Variants in GNAT3 observed in about 807,000 individuals in gnomAD.
GNAT3 encodes guanine nucleotide-binding protein G(t) subunit alpha-3.
GNAT3 carries 31 observed loss-of-function variants against 37.7 expected under a neutral mutation model. The ratio of observed to expected loss-of-function variants is 0.82; its 90% CI spans 0.62 to 1.11. The LOEUF (loss-of-function observed/expected upper bound fraction) is 1.11, where lower values mean the gene tolerates loss of function less well. Ranked by LOEUF, GNAT3 falls within the 50% of genes most tolerant of loss-of-function variation. The pLI, the probability that GNAT3 is intolerant of heterozygous loss-of-function variation, is 0.00. For synonymous variants in GNAT3, 138 were observed against 139.8 expected, an observed-to-expected ratio of 0.99 and a Z score of 0.09; for missense variants, 437 against 412.5, an observed-to-expected ratio of 1.06 and a Z score of -0.51.
chr7:80,507,124 G>A (rs1790960133), intron 1 of GNAT3, among the ~76,000 whole-genome samples: 1 of 151,966 alleles, frequency 6.6e-6, no homozygotes, highest in Admixed American at 6.6e-5. Flanking sequence ...GTGATCAGAA[G>A]GGGACTTATT....
At chr7:80,502,403 A>T (rs1282063783) in intron 1 of GNAT3, among the ~76,000 whole-genome samples, 1 of 152,104 alleles carries the variant, frequency 6.6e-6, no homozygotes, top group Non-Finnish European at 1.5e-5. Context: ...AAATGACAAC[A>T]CTAAAATACA....
rs988873604 is a variant in GNAT3, at chr7:80,506,184, T to C, written c.118+5625A>G. ...TCAATAATTCATGCTCGAATGAAAA[T>C]ATGCGAATATAAATATGTTCTGTAA... is the stretch of plus-strand genomic sequence containing the variant. On this transcript the variant is annotated intron_variant, in intron 1 of 7. Transcript: ENST00000398291. 4.6e-5 allele frequency among the ~76,000 whole-genome samples: 7 copies of C among 152,126 alleles called. No individual in the cohort carries two copies. The East Asian group carries it at 1.3e-3, about 29-fold the overall frequency.
intron 3 of GNAT3, among the ~76,000 whole-genome samples, chr7:80,480,700 A>T (rs1161405349): frequency 6.6e-6 from 1 of 152,124 alleles, no homozygotes; most frequent in African/African-American, 2.4e-5. Context: ...TGACATTGCC[A>T]TGGCATTTGT....
At chr7:80,482,314 T>C (rs201697719) in intron 3 of GNAT3, among the ~76,000 whole-genome samples, 1 of 152,156 alleles carries the variant, frequency 6.6e-6, no homozygotes, top group East Asian at 1.9e-4. Context: ...TATTGGCTCC[T>C]TCCACTATTA....
intron 1 of GNAT3, among the ~76,000 whole-genome samples, chr7:80,498,074 CTA>C (rs1216454589): frequency 1.3e-5 from 2 of 152,012 alleles, no homozygotes; most frequent in Non-Finnish European, 2.9e-5. Flanking sequence ...ATTTTATTCA[CTA>C]TATGTTATTG....
chr7:80,479,138 T>C (rs915545914), intron 3 of GNAT3, 140 bp from the exon 4 acceptor site: 6 of 649,804 alleles, frequency 9.2e-6, no homozygotes, highest in African/African-American at 3.7e-5. Flanking sequence ...TGAACTATAT[T>C]GAGGTAAATA....
At chr7:80,468,750 A>G (rs1326853763) in intron 5 of GNAT3, among the ~76,000 whole-genome samples, 1 of 152,120 alleles carries the variant, frequency 6.6e-6, no homozygotes, top group Non-Finnish European at 1.5e-5. Flanking sequence ...ATTAAAAAAC[A>G]GAATCAAAAG....
At chr7:80,459,437 G>C (rs1437546175) in intron 7 of GNAT3, among the ~76,000 whole-genome samples, 2 of 152,130 alleles carry the variant, frequency 1.3e-5, no homozygotes, top group Admixed American at 6.6e-5. Flanking sequence ...TAGATGTTAT[G>C]GGCTAGATTA....
At chr7:80,508,660 G>C (rs1790997612) in intron 1 of GNAT3, among the ~76,000 whole-genome samples, 1 of 151,878 alleles carries the variant, frequency 6.6e-6, no homozygotes, top group Non-Finnish European at 1.5e-5. Context: ...ACACAGATTT[G>C]GCATCTGTTC....
chr7:80,467,059 T>C (rs890381583), intron 5 of GNAT3, among the ~76,000 whole-genome samples: 1 of 152,156 alleles, frequency 6.6e-6, no homozygotes, highest in Non-Finnish European at 1.5e-5. Context: ...AACTGGCCTT[T>C]GAGAGGCTAA....
chr7:80,498,276 A>G (rs1016817996), intron 1 of GNAT3, among the ~76,000 whole-genome samples: 1 of 152,126 alleles, frequency 6.6e-6, no homozygotes, highest in Non-Finnish European at 1.5e-5. Context: ...AATTATTTGT[A>G]ACTTAGCTGG....
At chr7:80,464,751 A>G (rs1264325428) in intron 5 of GNAT3, among the ~76,000 whole-genome samples, 1 of 152,130 alleles carries the variant, frequency 6.6e-6, no homozygotes, top group Non-Finnish European at 1.5e-5. Flanking sequence ...AAAATAATCA[A>G]AAGTACAATA....
chr7:80,486,763 C>G (rs979933063), intron 3 of GNAT3, among the ~76,000 whole-genome samples: 1 of 151,202 alleles, frequency 6.6e-6, no homozygotes, highest in African/African-American at 2.4e-5. Flanking sequence ...GCATGAGACA[C>G]CATATCTGGT....
rs1352510128 is a variant in GNAT3, at chr7:80,458,758, A to G, written c.978T>C (p.Ala326=). The stretch of plus-strand genomic sequence containing the variant: ...CAAACTTGACATTTTGGGTGTCAGT[A>G]GCACAGGTCATGTGGGAATAAATTT... The part of the protein sequence containing the change: ...DKEIYSHMTC[A]TDTQNVKFVF... Residue 326 remains alanine (A), a synonymous_variant, in exon 8 of 8, where the codon GCT becomes GCC. Transcript: ENST00000398291. 8.1e-6 allele frequency: 13 copies of G among 1,599,562 alleles called. No individual in the cohort carries two copies. The highest frequency in any genetic ancestry group is 1.0e-5 in the Non-Finnish European group (12 of 1,171,078).
At chr7:80,481,763 C>G (rs965408652) in intron 3 of GNAT3, among the ~76,000 whole-genome samples, 3 of 152,082 alleles carry the variant, frequency 2.0e-5, no homozygotes, top group Non-Finnish European at 4.4e-5. Context: ...AGGGTGCCAC[C>G]TATGAGGCTT....
chr7:80,497,567 TATATACATATAC>T (rs1790743383), intron 1 of GNAT3, among the ~76,000 whole-genome samples: 2 of 142,162 alleles, frequency 1.4e-5, no homozygotes, highest in African/African-American at 2.6e-5. Flanking sequence ...TACATATACG[TATATACATATAC>T]GTATATACAT....
chr7:80,511,429 A>G (rs1373208543), intron 1 of GNAT3, among the ~76,000 whole-genome samples: 2 of 152,152 alleles, frequency 1.3e-5, no homozygotes, highest in Non-Finnish European at 2.9e-5. Context: ...CTGTTTAAAC[A>G]AAATAATATA....
rs758073733 is a variant in GNAT3, at chr7:80,462,648, A to C, written c.591-17T>G. On this transcript the variant is annotated splice_polypyrimidine_tract_variant and intron_variant, in intron 5 of 7. Transcript: ENST00000398291. ...TCAAACATCCTTTAAGAAAACATCA[A>C]ATGAATAATAAATCTTGCAAATATC... 12 of 1,601,880 alleles carry C rather than the reference A, an allele frequency of 7.5e-6. 1 individual carries two copies. The South Asian group carries it at 1.3e-4, about 18-fold the overall frequency.
chr7:80,479,093 A>G, intron 3 of GNAT3, 95 bp from the exon 4 acceptor site: 2 of 893,392 alleles, frequency 2.2e-6, no homozygotes, highest in East Asian at 5.5e-5. Flanking sequence ...TTTTAATCTT[A>G]TTCTTTTAGC....
Sources: allele counts gnomAD v4.1 joint callset (sites outside exome capture counted in the v4.1 genomes callset), GRCh38; gene constraint gnomAD v4.1.1; transcripts MANE v1.5; gene names NCBI Gene and HGNC (gene_info 2026-07-23, HGNC 2026-07-21).